The following GALNT17 variants were observed in gnomAD, a reference collection of about 807,000 sequenced individuals.
GALNT17 encodes UDP-GalNAc:polypeptide N-acetylgalactosaminyltransferase-like 3.
A neutral mutation model predicts 63.7 loss-of-function variants in GALNT17; 29 were observed. The ratio of observed to expected loss-of-function variants is 0.46; its 90% CI spans 0.34 to 0.62. GALNT17 has a LOEUF of 0.62. GALNT17 is among the 20% of genes least tolerant of loss of function. GALNT17 has a pLI of 0.01. For synonymous variants in GALNT17, 305 were observed against 318.3 expected, an observed-to-expected ratio of 0.96 and a Z score of 0.45; for missense variants, 603 against 799.6, an observed-to-expected ratio of 0.75 and a Z score of 2.97.
intron 6 of GALNT17, among the ~76,000 whole-genome samples, chr7:71,611,758 G>A (rs756968820): frequency 7.2e-5 from 11 of 151,976 alleles, no homozygotes; most frequent in African/African-American, 1.7e-4. Context: ...TGGACAAAGC[G>A]GAAGACCATG....
chr7:71,596,501 G>GAAC (rs1460659878), intron 6 of GALNT17, among the ~76,000 whole-genome samples: 3 of 152,050 alleles, frequency 2.0e-5, no homozygotes, highest in Admixed American at 6.5e-5. Context: ...ACAGGTGTAG[G>GAAC]AACTGCCTTA....
rs577077262 is a variant in GALNT17 at position 71,288,998 on chromosome 7, C to T, written c.239-46552C>T. ...GTATGGGGAAATTGAGGTCTGGTGA[C>T]GACAGGTCCAGGGTCAAACTGGACT... On this transcript the variant is annotated intron_variant, in intron 1 of 10. Transcript: ENST00000333538. Among the ~76,000 whole-genome samples the T allele has an allele frequency of 1.4e-4, 21 of 152,240 alleles. No individual in the cohort carries two copies. The South Asian group carries it at 3.3e-3, about 24-fold the overall frequency.
chr7:71,157,717 A>T (rs191268615), intron 1 of GALNT17, among the ~76,000 whole-genome samples: 1 of 151,932 alleles, frequency 6.6e-6, no homozygotes, highest in East Asian at 1.9e-4. Context: ...TTACCATTTT[A>T]AGTGTACAGC....
At chr7:71,575,634 C>T (rs1227669100) in intron 6 of GALNT17, among the ~76,000 whole-genome samples, 9 of 151,992 alleles carry the variant, frequency 5.9e-5, no homozygotes, top group South Asian at 2.1e-4. Flanking sequence ...GTGATCCGCC[C>T]GCCTCGGCCT....
intron 2 of GALNT17, among the ~76,000 whole-genome samples, chr7:71,341,016 C>A (rs890459425): frequency 6.6e-6 from 1 of 152,002 alleles, no homozygotes; most frequent in African/African-American, 2.4e-5. Context: ...CCAGCCTGGG[C>A]AACAGAGTGA....
intron 5 of GALNT17, among the ~76,000 whole-genome samples, chr7:71,565,764 A>G (rs574960209): frequency 1.3e-5 from 2 of 151,662 alleles, no homozygotes; most frequent in South Asian, 2.1e-4. Context: ...ACAAACACAA[A>G]TCTCTGAGTC....
chr7:71,561,292 A>G (rs545515240), intron 5 of GALNT17, among the ~76,000 whole-genome samples: 1 of 152,224 alleles, frequency 6.6e-6, no homozygotes, highest in South Asian at 2.1e-4. Flanking sequence ...GATTACAGGC[A>G]TGAGCCACTG....
chr7:71,398,478 A>G (rs184953309), intron 3 of GALNT17, among the ~76,000 whole-genome samples: 2 of 152,158 alleles, frequency 1.3e-5, no homozygotes, highest in East Asian at 1.9e-4. Context: ...ATTGGAAGCA[A>G]TATGTTTTCT....
intron 1 of GALNT17, among the ~76,000 whole-genome samples, chr7:71,237,127 C>G (rs374142413): frequency 2.0e-5 from 3 of 152,290 alleles, no homozygotes; most frequent in African/African-American, 4.8e-5. Flanking sequence ...AACTGAAATA[C>G]CCCCATTCAT....
Position 71,258,900 on chromosome 7 carries a change from G to C in GALNT17, c.239-76650G>C, listed in dbSNP as rs1790332937. 3.9e-5 allele frequency among the ~76,000 whole-genome samples: 6 copies of C among 152,182 alleles called. No individual in the cohort carries two copies. The South Asian group carries it at 1.2e-3, about 31-fold the overall frequency. ...AAGTAGAAAGTAAGTGAAGGAGTGG[G>C]GAAGACATTTGACGCAGAAAAGACA... On this transcript the variant is annotated intron_variant, in intron 1 of 10. Coordinates refer to ENST00000333538, the MANE Select transcript of GALNT17 (RefSeq NM_022479.3).
intron 1 of GALNT17, among the ~76,000 whole-genome samples, chr7:71,262,404 C>T (rs1044392716): frequency 6.6e-6 from 1 of 152,160 alleles, no homozygotes; most frequent in Admixed American, 6.5e-5. Flanking sequence ...GTGTAAGCCA[C>T]TGTGCCCAAC....
intron 6 of GALNT17, among the ~76,000 whole-genome samples, chr7:71,590,957 C>T (rs536827634): frequency 6.6e-6 from 1 of 152,298 alleles, no homozygotes; most frequent in East Asian, 1.9e-4. Context: ...GACAGGGTTT[C>T]GCCATATTGG....
chr7:71,472,635 G>C (rs996297775), intron 5 of GALNT17, among the ~76,000 whole-genome samples: 2 of 152,180 alleles, frequency 1.3e-5, no homozygotes, highest in Non-Finnish European at 2.9e-5. Flanking sequence ...TCAGTGAGCC[G>C]AGATCGTGTC....
At chr7:71,423,243 TGCCCTTCTCTACCCA>T (rs1786699648) in intron 5 of GALNT17, among the ~76,000 whole-genome samples, 1 of 152,228 alleles carries the variant, frequency 6.6e-6, no homozygotes, top group Admixed American at 6.5e-5. Flanking sequence ...CCAGGGACCC[TGCCCTTCTCTACCCA>T]GCACTTCCCT....
chr7:71,319,939 A>T (rs149301570), intron 1 of GALNT17, among the ~76,000 whole-genome samples: 23 of 152,230 alleles, frequency 1.5e-4, no homozygotes, highest in Non-Finnish European at 3.1e-4. Flanking sequence ...TGTCATGGTG[A>T]TGTCAGGATG....
rs1350447510 is a variant in GALNT17 at position 71,265,116 on chromosome 7, ATATTTTTTTTT to A, written c.239-70432_239-70422del. On this transcript the variant is annotated intron_variant, in intron 1 of 10. Transcript: ENST00000333538. ...ATAAATATTATATATATATATATAT[ATATTTTTTTTT>A]TTTTTTTTTTTTTTTTTGAGATGGA... is the stretch of plus-strand genomic sequence containing the variant. Among the ~76,000 whole-genome samples, 7 of 59,032 alleles carry A rather than the reference ATATTTTTTTTT, an allele frequency of 1.2e-4. 1 individual carries two copies. Among genetic ancestry groups the A allele is most frequent in the East Asian group, 1.0e-3 (2 of 2,004 alleles). 38.7% of individuals were successfully genotyped at this position (59,032 alleles called of 152,430 possible).
At chr7:71,242,410 A>G (rs1790015841) in intron 1 of GALNT17, among the ~76,000 whole-genome samples, 1 of 151,316 alleles carries the variant, frequency 6.6e-6, no homozygotes, top group Non-Finnish European at 1.5e-5. Flanking sequence ...CTGGGACTAC[A>G]GGCGCCTACC....
intron 1 of GALNT17, among the ~76,000 whole-genome samples, chr7:71,293,624 G>A (rs1215924435): frequency 1.3e-5 from 2 of 152,074 alleles, no homozygotes; most frequent in Non-Finnish European, 2.9e-5. Context: ...TTGAAAGGCA[G>A]GTATAGTAGT....
intron 1 of GALNT17, among the ~76,000 whole-genome samples, chr7:71,227,555 T>C (rs535561473): frequency 1.3e-5 from 2 of 152,234 alleles, no homozygotes; most frequent in South Asian, 2.1e-4. Context: ...GCCATGATTA[T>C]GTTTTTTTGG....
Sources: gnomAD v4.1 joint callset for allele counts (sites outside exome capture counted in the v4.1 genomes callset) on GRCh38, gnomAD v4.1.1 for gene constraint, MANE v1.5 for transcripts, NCBI Gene and HGNC (gene_info 2026-07-23, HGNC 2026-07-21) for gene names.